NUDC: variants seen among roughly 807,000 people sequenced by gnomAD.
The protein encoded by NUDC is nuclear distribution C, dynein complex regulator.
NUDC carries 14 observed loss-of-function variants against 45.0 expected under a neutral mutation model. The ratio of observed to expected loss-of-function variants is 0.31; its 90% confidence interval spans 0.21 to 0.49. The LOEUF (loss-of-function observed/expected upper bound fraction) is 0.49, where lower values mean the gene tolerates loss of function less well. Among genes scored for constraint, NUDC ranks in the 20% least tolerant of loss-of-function variants. The probability of loss-of-function intolerance (pLI) is 0.99; values close to 1 mark genes in which losing one functional copy is unlikely to be tolerated. For missense variants in NUDC, 323 were observed against 426.2 expected (o/e 0.76, Z 2.13); for synonymous variants, 153 against 156.7 (o/e 0.98, Z 0.17).
At position 26,946,432 on chromosome 1, in the gene NUDC, G is replaced by C; in HGVS notation, c.*251G>C. On this transcript the variant is annotated 3_prime_UTR_variant, in exon 9 of 9. Transcript: ENST00000321265. ...CCTCTCTTGCCTCTGGCCTTTCTCT[G>C]GGGCACAGGCCTCTTACGGCTGCTG... is the stretch of plus-strand genomic sequence containing the variant. 1 of 535,236 alleles carries C rather than the reference G, an allele frequency of 1.9e-6. No homozygotes were observed. The highest frequency in any genetic ancestry group is 2.0e-5 in the South Asian group (1 of 49,336). The allele number at this position is 535,236 out of a possible 1,614,324, so 33.2% of individuals were successfully genotyped here. A position where few individuals can be genotyped will look rare whatever the true frequency, so the allele number is the denominator to read the frequency against.
chr1:26,904,867 T>C (rs74811611), intron 2 of NUDC, among the ~76,000 whole-genome samples: 4,533 of 149,708 alleles, frequency 0.03, 109 homozygotes, highest in Middle Eastern at 0.075. Context: ...TTTTTTTTTT[T>C]CTGAGACAGA....
chr1:26,912,413 C>T (rs999026836), intron 3 of NUDC, among the ~76,000 whole-genome samples: 4 of 152,086 alleles, frequency 2.6e-5, no homozygotes, highest in Middle Eastern at 3.4e-3. Context: ...ATCTGTAAAA[C>T]GGGAATAATA....
At chr1:26,945,019 A>G (rs1020125401) in intron 6 of NUDC, 1 of 285,810 alleles carries the variant, frequency 3.5e-6, no homozygotes, top group East Asian at 8.5e-5. Context: ...TCCAGCCTGG[A>G]CAAGAAGAAC....
At chr1:26,900,548 G>C (rs1475073049) in intron 1 of NUDC, 3 of 912,632 alleles carry the variant, frequency 3.3e-6, no homozygotes, top group Non-Finnish European at 4.9e-6. Context: ...TAGTCCTTTG[G>C]GATTGGGGTT....
chr1:26,915,011 GTATATT>G (rs796294282), intron 3 of NUDC, among the ~76,000 whole-genome samples: 59 of 82,004 alleles, frequency 7.2e-4, no homozygotes, highest in African/African-American at 1.0e-3. Flanking sequence ...ATATGTATAT[GTATATT>G]TATATGTATA....
upstream of NUDC, among the ~76,000 whole-genome samples, chr1:26,920,609 GT>G (rs200829452): frequency 9.1e-3 from 1,382 of 152,028 alleles, 6 homozygotes; most frequent in East Asian, 0.026. Context: ...GCAGAAGAAA[GT>G]GGGGCCATGG....
chr1:26,913,871 G>A lies in NUDC; in HGVS notation c.93+2636G>A, dbSNP rs758142941. ...ACAGCCTTGAGGCTGGAGCTCAGAA[G>A]TGCGTAGAGAATGGCGGGGCGGCTT... On this transcript the variant is annotated intron_variant, in intron 3 of 6. Coordinates refer to the NUDC transcript ENST00000435827. The A allele has an allele frequency of 2.7e-6, 4 of 1,500,026 alleles. No individual in the cohort carries two copies. The African/African-American group carries it at 4.2e-5, about 16-fold the overall frequency. The allele number at this position is 1,500,026 out of a possible 1,614,324, so 92.9% of individuals were successfully genotyped here. A position where few individuals can be genotyped will look rare whatever the true frequency, so the allele number is the denominator to read the frequency against.
chr1:26,937,615 A>G (rs1425847043), intron 2 of NUDC, among the ~76,000 whole-genome samples: 2 of 151,916 alleles, frequency 1.3e-5, no homozygotes, highest in Admixed American at 6.6e-5. Context: ...GTAGTTCCTC[A>G]GTGCACTAGC....
chr1:26,918,923 G>A (rs543834170), upstream of NUDC, among the ~76,000 whole-genome samples: 16 of 151,410 alleles, frequency 1.1e-4, no homozygotes, highest in East Asian at 2.1e-3. Flanking sequence ...GATTACAGGC[G>A]CACACCACCA....
rs537470301 is a variant in NUDC at position 26,916,170 on chromosome 1, TGAGGCTTCAGGA to T, written c.93+4937_93+4948del. 3.6e-3 allele frequency among the ~76,000 whole-genome samples: 543 copies of T among 151,908 alleles called. 1 individual carries two copies. Among genetic ancestry groups the T allele is most frequent in the Non-Finnish European group, 5.6e-3 (383 of 67,934 alleles). On this transcript the variant is annotated intron_variant, in intron 3 of 6. Coordinates refer to the NUDC transcript ENST00000435827. ...GGGAAGTTGAGGTGGGAGGATCACT[TGAGGCTTCAGGA>T]GTTCAAGATCAGCCTGGTCAACACA...
chr1:26,936,548 A>G (rs1478348724), intron 2 of NUDC, among the ~76,000 whole-genome samples: 1 of 150,574 alleles, frequency 6.6e-6, no homozygotes, highest in Non-Finnish European at 1.5e-5. Context: ...CTGGTCTCGA[A>G]CTCCAGTGGT....
At chr1:26,932,761 C>T (rs922239834) in intron 2 of NUDC, among the ~76,000 whole-genome samples, 3 of 152,138 alleles carry the variant, frequency 2.0e-5, no homozygotes, top group African/African-American at 7.2e-5. Context: ...CCCTCCCCTA[C>T]CTCCTGGTAA....
intron 3 of NUDC, chr1:26,913,640 C>T: frequency 6.2e-7 from 1 of 1,613,778 alleles, no homozygotes; most frequent in Non-Finnish European, 8.5e-7. Flanking sequence ...GCATCTTGGG[C>T]CAACCCAAGC....
chr1:26,933,388 A>G (rs2082199395), intron 2 of NUDC, among the ~76,000 whole-genome samples: 1 of 151,958 alleles, frequency 6.6e-6, no homozygotes, highest in Non-Finnish European at 1.5e-5. Context: ...AGTGTAATCT[A>G]TTGGATCATA....
At chr1:26,900,944 A>C (rs1285362820) in intron 1 of NUDC, among the ~76,000 whole-genome samples, 3 of 152,214 alleles carry the variant, frequency 2.0e-5, no homozygotes, top group Non-Finnish European at 4.4e-5. Flanking sequence ...GCTTACGTTA[A>C]AGAAAAGATG....
At chr1:26,931,040 C>T (rs1277887582) in intron 2 of NUDC, among the ~76,000 whole-genome samples, 1 of 151,914 alleles carries the variant, frequency 6.6e-6, no homozygotes, top group Non-Finnish European at 1.5e-5. Flanking sequence ...GTAAAAAGCA[C>T]ATCATAAAAT....
chr1:26,921,825 G>A lies in NUDC; in HGVS notation c.-24G>A, dbSNP rs2082093544. 6.5e-7 allele frequency: 1 copy of A among 1,549,580 alleles called. No individual in the cohort carries two copies. ...GCGCGGGACTAGAGTGCAGAGCTCC[G>A]GGACGTGGATCGGAGCCGGCGCGAT... On this transcript the variant is annotated 5_prime_UTR_variant, in exon 1 of 9. Coordinates refer to ENST00000321265, the MANE Select transcript of NUDC (RefSeq NM_006600.4).
chr1:26,939,337 A>G (rs1415626680), intron 2 of NUDC, among the ~76,000 whole-genome samples: 1 of 151,912 alleles, frequency 6.6e-6, no homozygotes, highest in African/African-American at 2.4e-5. Flanking sequence ...TTTAGAGATA[A>G]TAACTTAGAC....
At chr1:26,926,405 G>C (rs1002420146) in intron 2 of NUDC, among the ~76,000 whole-genome samples, 1 of 152,070 alleles carries the variant, frequency 6.6e-6, no homozygotes, top group Non-Finnish European at 1.5e-5. Context: ...CAATGCTCTG[G>C]TTCTTTCCAT....
Sources: gnomAD v4.1 joint callset for allele counts (sites outside exome capture counted in the v4.1 genomes callset) on GRCh38, gnomAD v4.1.1 for gene constraint, MANE v1.5 for transcripts, NCBI Gene and HGNC (gene_info 2026-07-23, HGNC 2026-07-21) for gene names.